The following SLC24A3 variants were observed in gnomAD, a reference collection of about 807,000 sequenced individuals.
SLC24A3 encodes sodium/potassium/calcium exchanger 3.
A neutral mutation model predicts 75.8 loss-of-function variants in SLC24A3; 28 were observed. The ratio of observed to expected loss-of-function variants is 0.37; its 90% CI spans 0.27 to 0.51. The LOEUF is 0.51. Ranked by LOEUF, SLC24A3 falls within the 20% of genes least tolerant of loss-of-function variation. The pLI is 0.94. For synonymous variants in SLC24A3, 372 were observed against 334.1 expected, an observed-to-expected ratio of 1.11 and a Z score of -1.24; for missense variants, 663 against 847.8, an observed-to-expected ratio of 0.78 and a Z score of 2.71.
intron 16 of SLC24A3, among the ~76,000 whole-genome samples, chr20:19,719,993 G>A (rs1197141169): frequency 6.6e-6 from 1 of 152,184 alleles, no homozygotes; most frequent in Non-Finnish European, 1.5e-5. Context: ...GGGAGCTGGG[G>A]AATCAGGCGG....
chr20:19,394,563 A>G (rs761329660), intron 2 of SLC24A3, among the ~76,000 whole-genome samples: 40 of 152,222 alleles, frequency 2.6e-4, no homozygotes, highest in Admixed American at 1.3e-4. Context: ...TTGAATAGAC[A>G]TTCCTTCAAA....
chr20:19,476,132 A>G (rs931271995), intron 2 of SLC24A3, among the ~76,000 whole-genome samples: 1 of 152,230 alleles, frequency 6.6e-6, no homozygotes, highest in Non-Finnish European at 1.5e-5. Context: ...CCGGAGAGCT[A>G]GAGTCCTCTG....
In SLC24A3 at chr20:19,611,338, A is replaced by G. The variant is rs1462467122; in HGVS notation, c.612+25794A>G. Among the ~76,000 whole-genome samples the G allele has an allele frequency of 6.6e-5, 10 of 152,088 alleles. No homozygotes were observed. The South Asian group carries it at 1.5e-3, about 22-fold the overall frequency. On this transcript the variant is annotated intron_variant, in intron 6 of 16. Transcript: ENST00000328041. ...ATCTATCACTGGAGTGGTTCTTGGA[A>G]CAGAGAAGAAAAGAAGTGGCTGTAA...
intron 2 of SLC24A3, among the ~76,000 whole-genome samples, chr20:19,369,952 GC>G (rs1324412328): frequency 2.0e-5 from 3 of 152,168 alleles, no homozygotes; most frequent in South Asian, 2.1e-4. Context: ...ACAAGCGTGA[GC>G]CACTGCACCC....
At chr20:19,322,344 GCCTTCTTTCCTTCCTTCCTTC>G (rs1400919000) in intron 2 of SLC24A3, among the ~76,000 whole-genome samples, 12 of 103,082 alleles carry the variant, frequency 1.2e-4, no homozygotes, top group African/African-American at 7.3e-4. Flanking sequence ...CATGGATTGA[GCCTTCTTTCCTTCCTTCCTTC>G]CCTTCCTTCC....
At chr20:19,334,675 C>T (rs540626429) in intron 2 of SLC24A3, among the ~76,000 whole-genome samples, 6 of 152,320 alleles carry the variant, frequency 3.9e-5, no homozygotes, top group Admixed American at 3.9e-4. Context: ...TTTCAGCAAG[C>T]AGGTGATTGC....
intron 2 of SLC24A3, among the ~76,000 whole-genome samples, chr20:19,401,220 A>G (rs1486649741): frequency 1.3e-5 from 2 of 152,246 alleles, no homozygotes; most frequent in Admixed American, 6.5e-5. Context: ...GAGGTCAGAC[A>G]GTGGCTGAAG....
intron 2 of SLC24A3, among the ~76,000 whole-genome samples, chr20:19,353,319 G>C (rs1409693802): frequency 6.6e-6 from 1 of 152,160 alleles, no homozygotes; most frequent in Non-Finnish European, 1.5e-5. Flanking sequence ...TGGAAGGTAG[G>C]TCATCTACAG....
intron 2 of SLC24A3, among the ~76,000 whole-genome samples, chr20:19,485,760 C>A (rs1988118796): frequency 6.6e-6 from 1 of 152,154 alleles, no homozygotes; most frequent in East Asian, 1.9e-4. Context: ...TTCACACGCT[C>A]CCAAAACACA....
rs772871313 is a variant in SLC24A3 at position 19,560,987 on chromosome 20, A to G, written c.349-19013A>G. ...GGGTTGTCTCACAAACTGATAGGCA[A>G]GTCAGATTCAAATATTTTTTTGTCT... On this transcript the variant is annotated intron_variant, in intron 3 of 16. Transcript: ENST00000328041. Among the ~76,000 whole-genome samples the G allele has an allele frequency of 4.9e-4, 74 of 152,206 alleles. 1 individual carries two copies. The highest frequency in any genetic ancestry group is 9.3e-4 in the Non-Finnish European group (63 of 68,030).
intron 2 of SLC24A3, among the ~76,000 whole-genome samples, chr20:19,453,053 C>T (rs888884691): frequency 2.0e-5 from 3 of 151,982 alleles, no homozygotes; most frequent in African/African-American, 4.8e-5. Context: ...TGGTGGCGGG[C>T]GCCTGTAATC....
intron 2 of SLC24A3, among the ~76,000 whole-genome samples, chr20:19,350,433 G>A (rs975571032): frequency 1.3e-5 from 2 of 151,902 alleles, no homozygotes; most frequent in African/African-American, 4.8e-5. Context: ...TTGCATTTAG[G>A]AAACATTAAG....
intron 6 of SLC24A3, among the ~76,000 whole-genome samples, chr20:19,615,013 A>G (rs893230411): frequency 6.6e-6 from 1 of 152,222 alleles, no homozygotes; most frequent in Non-Finnish European, 1.5e-5. Flanking sequence ...TTTAAGCTTT[A>G]ATTTTACAGA....
intron 8 of SLC24A3, among the ~76,000 whole-genome samples, chr20:19,672,899 C>T (rs720436): frequency 0.35 from 52,627 of 152,072 alleles, 9,935 homozygotes; most frequent in African/African-American, 0.49. Flanking sequence ...TAACCTACCA[C>T]TGAAGCCAAA....
intron 2 of SLC24A3, among the ~76,000 whole-genome samples, chr20:19,438,074 G>T (rs543772756): frequency 6.6e-6 from 1 of 152,244 alleles, no homozygotes; most frequent in Non-Finnish European, 1.5e-5. Context: ...CTTCCTCAAG[G>T]TCCCCTGTGT....
At chr20:19,599,883 G>A (rs546376575) in intron 6 of SLC24A3, among the ~76,000 whole-genome samples, 19 of 152,312 alleles carry the variant, frequency 1.2e-4, no homozygotes, top group African/African-American at 3.6e-4. Context: ...TAAGGGATAA[G>A]GAGGAAAGCT....
At chr20:19,661,084 A>C (rs1184622555) in intron 7 of SLC24A3, among the ~76,000 whole-genome samples, 1 of 152,150 alleles carries the variant, frequency 6.6e-6, no homozygotes, top group African/African-American at 2.4e-5. Flanking sequence ...AACAAGGAAA[A>C]CAACGTGGAA....
intron 3 of SLC24A3, among the ~76,000 whole-genome samples, chr20:19,521,950 G>T (rs184753641): frequency 6.6e-6 from 1 of 151,810 alleles, no homozygotes; most frequent in African/African-American, 2.4e-5. Context: ...TTTCAAGGAT[G>T]TCTTTTCACT....
At chr20:19,574,696 T>C (rs2031103453) in intron 3 of SLC24A3, among the ~76,000 whole-genome samples, 1 of 152,218 alleles carries the variant, frequency 6.6e-6, no homozygotes, top group African/African-American at 2.4e-5. Context: ...CTGCGCTATG[T>C]CTAAGCTCCT....
Sources: gnomAD v4.1 joint callset for allele counts (sites outside exome capture counted in the v4.1 genomes callset) on GRCh38, gnomAD v4.1.1 for gene constraint, MANE v1.5 for transcripts, NCBI Gene and HGNC (gene_info 2026-07-23, HGNC 2026-07-21) for gene names.